Variants in MACROD2 observed in about 807,000 individuals in gnomAD.
The protein encoded by MACROD2 is mono-ADP ribosylhydrolase 2, also known as ADP-ribose glycohydrolase MACROD2.
Under a neutral mutation model 70.4 loss-of-function variants are expected in MACROD2, and 36 were observed. The ratio of observed to expected loss-of-function variants is 0.51; its 90% CI spans 0.39 to 0.68. MACROD2 has a LOEUF of 0.68. MACROD2 is among the 30% of genes least tolerant of loss of function. The pLI is 0.00. For missense variants in MACROD2, 496 were observed against 538.4 expected (o/e 0.92, Z 0.78); for synonymous variants, 172 against 178.8 (o/e 0.96, Z 0.30).
rs1016013933 is a variant in MACROD2 at position 15,205,648 on chromosome 20, T to G, written c.419-24292T>G. 2.6e-5 allele frequency among the ~76,000 whole-genome samples: 4 copies of G among 152,190 alleles called. No individual in the cohort carries two copies. The South Asian group carries it at 6.2e-4, about 24-fold the overall frequency. On this transcript the variant is annotated intron_variant, in intron 5 of 17. Transcript: ENST00000684519. ...AGCCAACTTAGCTAAATACTAAGTT[T>G]CTGTTACTTCAAAGAAAGAAGAGAA...
At chr20:14,701,583 T>C (rs1302977099) in intron 5 of MACROD2, among the ~76,000 whole-genome samples, 1 of 152,192 alleles carries the variant, frequency 6.6e-6, no homozygotes. Context: ...TTTAACTTAT[T>C]AGTTAAATGA....
At chr20:15,346,403 G>A (rs2078166629) in intron 6 of MACROD2, among the ~76,000 whole-genome samples, 1 of 152,202 alleles carries the variant, frequency 6.6e-6, no homozygotes, top group African/African-American at 2.4e-5. Flanking sequence ...GACTAGAACT[G>A]AGGGATCAGG....
intron 8 of MACROD2, among the ~76,000 whole-genome samples, chr20:15,708,017 A>G (rs1265407808): frequency 6.6e-6 from 1 of 151,846 alleles, no homozygotes; most frequent in Non-Finnish European, 1.5e-5. Flanking sequence ...AAGTGTTTCA[A>G]GCAGAAGAAG....
At chr20:15,636,369 A>C (rs1484970280) in intron 8 of MACROD2, among the ~76,000 whole-genome samples, 2 of 152,132 alleles carry the variant, frequency 1.3e-5, no homozygotes, top group African/African-American at 4.8e-5. Flanking sequence ...ATCAGCTTCC[A>C]CCTCCATGGT....
intron 3 of MACROD2, among the ~76,000 whole-genome samples, chr20:14,211,950 A>C (rs2081575012): frequency 6.6e-6 from 1 of 152,190 alleles, no homozygotes; most frequent in Non-Finnish European, 1.5e-5. Flanking sequence ...TCCTCAATTT[A>C]TCCTAAGTTG....
intron 3 of MACROD2, among the ~76,000 whole-genome samples, chr20:14,240,481 A>G (rs536263282): frequency 9.9e-5 from 15 of 152,232 alleles, no homozygotes; most frequent in Non-Finnish European, 2.1e-4. Flanking sequence ...AACATGGTAC[A>G]TATACACTAT....
rs1455564139 is a variant in MACROD2, at chr20:15,322,121, G to A, written c.540+92060G>A. 4.2e-5 allele frequency among the ~76,000 whole-genome samples: 6 copies of A among 143,884 alleles called. 1 individual carries two copies. Among genetic ancestry groups the A allele is most frequent in the African/African-American group, 1.5e-4 (6 of 40,250 alleles). The allele number at this position is 143,884 out of a possible 152,430, so 94.4% of individuals were successfully genotyped here. A position where few individuals can be genotyped will look rare whatever the true frequency, so the allele number is the denominator to read the frequency against. On this transcript the variant is annotated intron_variant, in intron 6 of 17. Transcript: ENST00000684519. ...ACACAGTCTTTAAACTTAAGGGGTT[G>A]AAATTTATTCTAATTGTTAGTGTCT...
intron 4 of MACROD2, among the ~76,000 whole-genome samples, chr20:14,498,002 G>T (rs531611369): frequency 1.3e-5 from 2 of 151,722 alleles, no homozygotes; most frequent in Non-Finnish European, 2.9e-5. Context: ...CTTAGAGTAG[G>T]CCCAAAGATG....
intron 3 of MACROD2, among the ~76,000 whole-genome samples, chr20:14,155,947 A>C (rs2148714192): frequency 6.6e-6 from 1 of 152,250 alleles, no homozygotes; most frequent in Non-Finnish European, 1.5e-5. Flanking sequence ...GGATAGCTTG[A>C]GCCTGGGAAT....
rs76890915 is a variant in MACROD2, at chr20:14,702,225, C to A, written c.418+17266C>A. Among the ~76,000 whole-genome samples the A allele has an allele frequency of 1.8e-3, 278 of 151,938 alleles. 5 individuals are homozygous for A. In the East Asian group the frequency reaches 0.049, roughly 27 times the overall value. On this transcript the variant is annotated intron_variant, in intron 5 of 17. Coordinates refer to ENST00000684519, the MANE Select transcript of MACROD2 (RefSeq NM_001351661.2). ...AAAATAACAGTACTCATGCATTACCCACCAAGAATTTTAAACATATTAACA... is the reference window on the plus strand; with the variant it reads ...AAAATAACAGTACTCATGCATTACCAACCAAGAATTTTAAACATATTAACA...
At chr20:14,446,400 G>T (rs1266028732) in intron 3 of MACROD2, among the ~76,000 whole-genome samples, 1 of 152,082 alleles carries the variant, frequency 6.6e-6, no homozygotes, top group East Asian at 1.9e-4. Context: ...GAACCAGGCT[G>T]TCTGACTTCA....
intron 8 of MACROD2, among the ~76,000 whole-genome samples, chr20:15,774,550 C>A (rs2051689439): frequency 6.6e-6 from 1 of 152,098 alleles, no homozygotes; most frequent in Non-Finnish European, 1.5e-5. Flanking sequence ...TTCCTCCCTT[C>A]ATGCTGAGTG....
intron 12 of MACROD2, among the ~76,000 whole-genome samples, chr20:15,945,518 G>C (rs1475781177): frequency 6.6e-6 from 1 of 152,126 alleles, no homozygotes; most frequent in African/African-American, 2.4e-5. Context: ...GCTTTTATTT[G>C]TATGGAAAGA....
chr20:15,228,615 G>C (rs1005157334), intron 5 of MACROD2, among the ~76,000 whole-genome samples: 5 of 148,618 alleles, frequency 3.4e-5, no homozygotes, highest in Admixed American at 6.8e-5. Flanking sequence ...TCAGTCTCCC[G>C]AGTAGCTGGG....
Position 14,442,119 on chromosome 20 carries a change from A to C in MACROD2, c.272-51360A>C, listed in dbSNP as rs535928119. On this transcript the variant is annotated intron_variant, in intron 3 of 17. Coordinates refer to ENST00000684519, the MANE Select transcript of MACROD2 (RefSeq NM_001351661.2). ...ACCCCATCTCTACAAAAAATATAAA[A>C]ATTAGCCAGGTGTGGTGGTGCTCAC... Among the ~76,000 whole-genome samples the C allele has an allele frequency of 1.4e-3, 211 of 152,130 alleles. 2 individuals carry two copies. Among genetic ancestry groups the C allele is most frequent in the African/African-American group, 4.8e-3 (197 of 41,430 alleles).
At chr20:15,068,779 C>G (rs1360363233) in intron 5 of MACROD2, among the ~76,000 whole-genome samples, 3 of 152,142 alleles carry the variant, frequency 2.0e-5, no homozygotes, top group Non-Finnish European at 4.4e-5. Context: ...CTTAGGCATT[C>G]CTTTATAGCA....
chr20:14,328,632 T>C (rs2082778049), intron 3 of MACROD2, among the ~76,000 whole-genome samples: 1 of 152,126 alleles, frequency 6.6e-6, no homozygotes, highest in African/African-American at 2.4e-5. Flanking sequence ...AATGCACATA[T>C]ATTATTTTCC....
At position 15,804,380 on chromosome 20, in the gene MACROD2, A is replaced by G. The variant is rs187693456; in HGVS notation, c.646-58365A>G. On this transcript the variant is annotated intron_variant, in intron 8 of 17. Transcript: ENST00000684519. ...CTAATAGTATTCTGCTTAATACTTAACAGTTTGACAGAAAAGTTCATTTCA... is the reference window on the plus strand; with the variant it reads ...CTAATAGTATTCTGCTTAATACTTAGCAGTTTGACAGAAAAGTTCATTTCA... Among the ~76,000 whole-genome samples, 405 of 152,334 alleles carry G rather than the reference A, an allele frequency of 2.7e-3. 1 individual carries two copies. Among genetic ancestry groups the G allele is most frequent in the Non-Finnish European group, 3.1e-3 (209 of 68,040 alleles).
chr20:15,149,470 G>A (rs187061829), intron 5 of MACROD2, among the ~76,000 whole-genome samples: 1 of 116,814 alleles, frequency 8.6e-6, no homozygotes, highest in Non-Finnish European at 1.9e-5. Context: ...GTCAGGTGTG[G>A]TATCTGGAAT....
Sources: gnomAD v4.1 joint callset for allele counts (sites outside exome capture counted in the v4.1 genomes callset) on GRCh38, gnomAD v4.1.1 for gene constraint, MANE v1.5 for transcripts, NCBI Gene and HGNC (gene_info 2026-07-23, HGNC 2026-07-21) for gene names.